The following SNTG1 variants were observed in gnomAD, a reference collection of about 807,000 sequenced individuals.
The protein encoded by SNTG1 is syntrophin gamma 1.
A neutral mutation model predicts 74.7 loss-of-function variants in SNTG1; 39 were observed. The observed-to-expected ratio is 0.52, with a 90% confidence interval of 0.40 to 0.68. The LOEUF (loss-of-function observed/expected upper bound fraction) is 0.68, where lower values mean the gene tolerates loss of function less well. Ranked by LOEUF, SNTG1 falls within the 30% of genes least tolerant of loss-of-function variation. The pLI is 0.00. For missense variants in SNTG1, 685 were observed against 609.5 expected (o/e 1.12, Z -1.30); for synonymous variants, 254 against 217.1 (o/e 1.17, Z -1.49).
chr8:50,191,281 T>C (rs1287759807), intron 2 of SNTG1, among the ~76,000 whole-genome samples: 1 of 152,166 alleles, frequency 6.6e-6, no homozygotes, highest in Non-Finnish European at 1.5e-5. Flanking sequence ...GATTTTATTG[T>C]AACAGATATT....
chr8:50,241,822 C>T (rs1046371041), intron 2 of SNTG1, among the ~76,000 whole-genome samples: 3 of 152,106 alleles, frequency 2.0e-5, no homozygotes, highest in Admixed American at 1.3e-4. Flanking sequence ...CTTCTCAGCT[C>T]GGAAGTGCCT....
At chr8:50,141,140 T>C (rs1409884550) in intron 1 of SNTG1, among the ~76,000 whole-genome samples, 1 of 152,258 alleles carries the variant, frequency 6.6e-6, no homozygotes, top group Non-Finnish European at 1.5e-5. Context: ...ATTAGCCTGC[T>C]GTTCACGTTT....
chr8:50,272,614 A>G (rs1413977147), intron 2 of SNTG1, among the ~76,000 whole-genome samples: 2 of 152,112 alleles, frequency 1.3e-5, no homozygotes, highest in South Asian at 2.1e-4. Flanking sequence ...TTCCCTCCCA[A>G]TGGCCACAGG....
At chr8:50,723,298 C>A (rs1485675538) in intron 17 of SNTG1, among the ~76,000 whole-genome samples, 3 of 152,132 alleles carry the variant, frequency 2.0e-5, no homozygotes, top group East Asian at 3.9e-4. Flanking sequence ...TTATTTATTT[C>A]TTTTGCTCTC....
chr8:50,554,687 A>T (rs887682415), intron 12 of SNTG1, among the ~76,000 whole-genome samples: 1 of 152,108 alleles, frequency 6.6e-6, no homozygotes, highest in Non-Finnish European at 1.5e-5. Context: ...TGACTGAAAA[A>T]CAAAGAAAAA....
chr8:50,097,349 G>A (rs960710935), intron 1 of SNTG1, among the ~76,000 whole-genome samples: 1 of 152,080 alleles, frequency 6.6e-6, no homozygotes, highest in African/African-American at 2.4e-5. Flanking sequence ...GGAACTAATA[G>A]TTTTAAACAA....
chr8:50,344,797 A>G (rs2091424384), intron 2 of SNTG1, among the ~76,000 whole-genome samples: 1 of 152,222 alleles, frequency 6.6e-6, no homozygotes. Context: ...GCATTTCACC[A>G]AAATTCATAC....
chr8:50,779,344 G>T (rs1282338671), intron 18 of SNTG1, among the ~76,000 whole-genome samples: 1 of 152,172 alleles, frequency 6.6e-6, no homozygotes, highest in Non-Finnish European at 1.5e-5. Flanking sequence ...AGGGTGGAAT[G>T]TTCTTCCATT....
chr8:50,058,335 A>T (rs888994671), intron 1 of SNTG1, among the ~76,000 whole-genome samples: 9 of 152,154 alleles, frequency 5.9e-5, no homozygotes, highest in Non-Finnish European at 1.2e-4. Context: ...TAATGTAGAA[A>T]TCCCGATCAG....
intron 13 of SNTG1, among the ~76,000 whole-genome samples, chr8:50,601,430 T>G (rs1336357518): frequency 6.6e-6 from 1 of 152,164 alleles, no homozygotes; most frequent in Admixed American, 6.5e-5. Context: ...TTGTATGGCT[T>G]CTAAAATTCC....
intron 12 of SNTG1, among the ~76,000 whole-genome samples, chr8:50,585,332 G>A (rs1393260273): frequency 6.6e-6 from 1 of 152,120 alleles, no homozygotes; most frequent in South Asian, 2.1e-4. Flanking sequence ...AGGATTAATA[G>A]CTTAAATAAC....
intron 15 of SNTG1, among the ~76,000 whole-genome samples, chr8:50,666,949 G>A (rs904966071): frequency 4.6e-5 from 7 of 151,746 alleles, no homozygotes; most frequent in African/African-American, 1.5e-4. Context: ...TGATTGAAAA[G>A]CTAAATCTAA....
chr8:50,161,148 T>C (rs2082403295), intron 1 of SNTG1, among the ~76,000 whole-genome samples: 1 of 152,212 alleles, frequency 6.6e-6, no homozygotes. Flanking sequence ...AAAGAACTTA[T>C]TGTTGAAGAA....
chr8:50,324,025 A>T (rs530385033), intron 2 of SNTG1, among the ~76,000 whole-genome samples: 4 of 152,192 alleles, frequency 2.6e-5, no homozygotes, highest in Non-Finnish European at 5.9e-5. Context: ...AGCCCAGCCT[A>T]GCACTAGGAT....
chr8:50,787,564 C>T (rs539078681), intron 18 of SNTG1, among the ~76,000 whole-genome samples: 3 of 151,922 alleles, frequency 2.0e-5, no homozygotes, highest in African/African-American at 7.2e-5. Flanking sequence ...ATGTTCACTG[C>T]AGCATTATTC....
At chr8:50,688,438 G>A (rs966890645) in intron 15 of SNTG1, among the ~76,000 whole-genome samples, 3 of 152,116 alleles carry the variant, frequency 2.0e-5, no homozygotes, top group South Asian at 4.1e-4. Flanking sequence ...CTTGTATAAG[G>A]TGTAAGGAAG....
intron 2 of SNTG1, among the ~76,000 whole-genome samples, chr8:50,180,387 G>C (rs760204292): frequency 1.3e-5 from 2 of 152,110 alleles, no homozygotes; most frequent in Non-Finnish European, 2.9e-5. Flanking sequence ...ATACTGTTCT[G>C]TATACTGGAA....
intron 15 of SNTG1, among the ~76,000 whole-genome samples, chr8:50,658,896 C>T (rs1016154458): frequency 3.9e-4 from 59 of 152,284 alleles, no homozygotes; most frequent in African/African-American, 1.4e-3. Flanking sequence ...ACTCTGCAGT[C>T]CCACCGTGGG....
chr8:50,744,639 G>T (rs548023796), intron 17 of SNTG1, among the ~76,000 whole-genome samples: 9 of 152,016 alleles, frequency 5.9e-5, no homozygotes, highest in African/African-American at 2.2e-4. Context: ...TTTGACTTCT[G>T]ATTACAAAAC....
Sources: gnomAD v4.1 joint callset for allele counts (sites outside exome capture counted in the v4.1 genomes callset) on GRCh38, gnomAD v4.1.1 for gene constraint, MANE v1.5 for transcripts, NCBI Gene and HGNC (gene_info 2026-07-23, HGNC 2026-07-21) for gene names.